The following SLCO3A1 variants were observed in gnomAD, a reference collection of about 807,000 sequenced individuals.
The protein encoded by SLCO3A1 is PGE1 transporter.
In SLCO3A1, 27 loss-of-function variants were observed where a neutral mutation model predicts 63.1. The observed-to-expected ratio is 0.43, with a 90% CI of 0.32 to 0.59. SLCO3A1 has a LOEUF of 0.59. Among genes scored for constraint, SLCO3A1 ranks in the 20% least tolerant of loss-of-function variants. The pLI is 0.09. For missense variants in SLCO3A1, 773 were observed against 945.8 expected, an observed-to-expected ratio of 0.82 and a Z score of 2.40; for synonymous variants, 473 against 409.9, an observed-to-expected ratio of 1.15 and a Z score of -1.86.
intron 2 of SLCO3A1, among the ~76,000 whole-genome samples, chr15:91,957,116 A>ATACTATATATT (rs1271110657): frequency 8.4e-5 from 1 of 11,880 alleles, no homozygotes. Context: ...ATATATATAT[A>ATACTATATATT]ATATATATAA....
chr15:92,063,149 A>G (rs76971036), intron 2 of SLCO3A1, among the ~76,000 whole-genome samples: 3,895 of 152,324 alleles, frequency 0.026, 72 homozygotes, highest in Admixed American at 0.051. Context: ...GGAACCAGAT[A>G]CGCTCTGATG....
intron 2 of SLCO3A1, among the ~76,000 whole-genome samples, chr15:91,979,373 A>G (rs1901246472): frequency 1.3e-5 from 2 of 152,224 alleles, no homozygotes; most frequent in African/African-American, 4.8e-5. Context: ...CTGCAGTTTG[A>G]CTGCAACTCA....
At chr15:92,085,649 C>T (rs1175325727) in intron 2 of SLCO3A1, among the ~76,000 whole-genome samples, 1 of 152,330 alleles carries the variant, frequency 6.6e-6, no homozygotes, top group East Asian at 1.9e-4. Flanking sequence ...ATTAAAATCA[C>T]GTTTTCTTGC....
In SLCO3A1 at chr15:92,075,209, C is replaced by A. The variant is rs543131801; in HGVS notation, c.647-19672C>A. ...TCTGGAGGGAAACTTGGTGCTTAAG[C>A]TTTTATTCCCCATGACAGTGTTCCA... is the stretch of plus-strand genomic sequence containing the variant. On this transcript the variant is annotated intron_variant, in intron 2 of 9. Transcript: ENST00000318445. Among the ~76,000 whole-genome samples, 14 of 152,288 alleles carry A rather than the reference C, an allele frequency of 9.2e-5. No individual in the cohort carries two copies. In the South Asian group the frequency reaches 2.9e-3, roughly 32 times the overall value.
At chr15:91,987,030 TTACTCATCTTTG>T (rs2046061916) in intron 2 of SLCO3A1, among the ~76,000 whole-genome samples, 1 of 152,178 alleles carries the variant, frequency 6.6e-6, no homozygotes, top group African/African-American at 2.4e-5. Flanking sequence ...GGACCATTTC[TTACTCATCTTTG>T]GGGCTTCACA....
At chr15:91,989,149 C>T (rs1306813573) in intron 2 of SLCO3A1, among the ~76,000 whole-genome samples, 3 of 152,174 alleles carry the variant, frequency 2.0e-5, no homozygotes, top group Non-Finnish European at 2.9e-5. Flanking sequence ...ACTGTGCCTT[C>T]GCATAAGTGT....
At chr15:92,026,585 T>C (rs970893922) in intron 2 of SLCO3A1, among the ~76,000 whole-genome samples, 1 of 152,220 alleles carries the variant, frequency 6.6e-6, no homozygotes, top group African/African-American at 2.4e-5. Flanking sequence ...GTTCTATGAT[T>C]TCTGCTTTCC....
intron 2 of SLCO3A1, among the ~76,000 whole-genome samples, chr15:91,989,955 T>G (rs2046105395): frequency 1.3e-5 from 2 of 152,254 alleles, no homozygotes; most frequent in South Asian, 4.1e-4. Flanking sequence ...TTGAAAAGAT[T>G]AGCTGTAGAA....
rs929577905 is a variant in SLCO3A1, at chr15:92,046,160, A to G, written c.647-48721A>G. ...AAACTAAGAGGTTTAAGAAGTATCTACAGTGTCAGATTGTAAGCTATATTG... is the reference window on the plus strand; with the variant it reads ...AAACTAAGAGGTTTAAGAAGTATCTGCAGTGTCAGATTGTAAGCTATATTG... On this transcript the variant is annotated intron_variant, in intron 2 of 9. Coordinates refer to ENST00000318445, the MANE Select transcript of SLCO3A1 (RefSeq NM_013272.4). 7.2e-5 allele frequency among the ~76,000 whole-genome samples: 11 copies of G among 152,278 alleles called. No homozygotes were observed. The South Asian group carries it at 2.1e-3, about 29-fold the overall frequency.
At position 92,164,895 on chromosome 15, in the gene SLCO3A1, AACTT is replaced by A. The variant is rs2048480548; in HGVS notation, c.*1764_*1767del. On this transcript the variant is annotated 3_prime_UTR_variant, in exon 10 of 10. Coordinates refer to ENST00000318445, the MANE Select transcript of SLCO3A1 (RefSeq NM_013272.4). ...TACACACACAACAAAGGGCCCTGCT[AACTT>A]ACTCCTCATGCTGCTTCAGTGACCT... 1 of 985,252 alleles carries A rather than the reference AACTT, an allele frequency of 1.0e-6. No homozygotes were observed. 61.0% of individuals were successfully genotyped at this position (985,252 alleles called of 1,614,324 possible).
intron 2 of SLCO3A1, among the ~76,000 whole-genome samples, chr15:92,012,100 G>C (rs775552802): frequency 2.0e-5 from 3 of 152,194 alleles, no homozygotes; most frequent in Admixed American, 2.0e-4. Flanking sequence ...GCAGAGCCTC[G>C]GGCAGCAATG....
chr15:92,129,301 A>G (rs1162116799), intron 7 of SLCO3A1, among the ~76,000 whole-genome samples: 1 of 152,152 alleles, frequency 6.6e-6, no homozygotes, highest in Non-Finnish European at 1.5e-5. Flanking sequence ...CAACTAGAAG[A>G]TCAGTTCTAG....
intron 1 of SLCO3A1, among the ~76,000 whole-genome samples, chr15:91,866,118 A>G (rs1431768026): frequency 6.6e-6 from 1 of 152,172 alleles, no homozygotes; most frequent in African/African-American, 2.4e-5. Context: ...ACCTAGTTGG[A>G]TGATTCGTTA....
intron 2 of SLCO3A1, among the ~76,000 whole-genome samples, chr15:92,057,464 A>G (rs1427674120): frequency 3.9e-5 from 6 of 152,226 alleles, no homozygotes; most frequent in African/African-American, 4.8e-5. Context: ...AACAAAATAC[A>G]GTGGATTTTC....
chr15:91,913,271 A>G (rs1435367399), intron 1 of SLCO3A1, among the ~76,000 whole-genome samples: 1 of 152,256 alleles, frequency 6.6e-6, no homozygotes, highest in African/African-American at 2.4e-5. Flanking sequence ...AGGGTGTCAC[A>G]GATGTCATAA....
chr15:92,016,079 A>G (rs2046422621), intron 2 of SLCO3A1, among the ~76,000 whole-genome samples: 1 of 152,096 alleles, frequency 6.6e-6, no homozygotes, highest in Admixed American at 6.5e-5. Flanking sequence ...ATAGGGTTTT[A>G]TCAAACCCCA....
intron 2 of SLCO3A1, among the ~76,000 whole-genome samples, chr15:92,018,793 C>G (rs1023683939): frequency 6.6e-6 from 1 of 152,144 alleles, no homozygotes; most frequent in Non-Finnish European, 1.5e-5. Flanking sequence ...GTGTGTTCCC[C>G]ATTTCAGTCG....
At chr15:91,924,664 A>G (rs62009516) in intron 2 of SLCO3A1, among the ~76,000 whole-genome samples, 1,967 of 152,330 alleles carry the variant, frequency 0.013, 11 homozygotes, top group African/African-American at 0.017. Flanking sequence ...TTGCACGAAC[A>G]GAGGACAACC....
chr15:92,151,552 T>G (rs993268481), intron 9 of SLCO3A1, among the ~76,000 whole-genome samples: 2 of 152,180 alleles, frequency 1.3e-5, no homozygotes, highest in Admixed American at 6.5e-5. Flanking sequence ...AGTCTGACCC[T>G]CTTGTTTTTA....
Sources: gnomAD v4.1 joint callset for allele counts (sites outside exome capture counted in the v4.1 genomes callset) on GRCh38, gnomAD v4.1.1 for gene constraint, MANE v1.5 for transcripts, NCBI Gene and HGNC (gene_info 2026-07-23, HGNC 2026-07-21) for gene names.